BRINP2: variants seen among roughly 807,000 people sequenced by gnomAD.
The protein encoded by BRINP2 is BMP/retinoic acid-inducible neural-specific protein 2.
A neutral mutation model predicts 69.2 loss-of-function variants in BRINP2; 21 were observed. The ratio of observed to expected loss-of-function variants is 0.30; its 90% confidence interval spans 0.22 to 0.44. BRINP2 has a LOEUF of 0.44. Ranked by LOEUF, BRINP2 falls within the 20% of genes least tolerant of loss-of-function variation. The pLI is 1.00. For synonymous variants in BRINP2, 380 were observed against 394.1 expected, an observed-to-expected ratio of 0.96 and a Z score of 0.42; for missense variants, 877 against 986.0, an observed-to-expected ratio of 0.89 and a Z score of 1.48.
At chr1:177,252,233 T>TA (rs1362295460) in intron 2 of BRINP2, among the ~76,000 whole-genome samples, 1 of 152,166 alleles carries the variant, frequency 6.6e-6, no homozygotes, top group East Asian at 1.9e-4. Context: ...ATTATGAACT[T>TA]ACCTGCTTAG....
In BRINP2 at chr1:177,276,437, G is replaced by A; in HGVS notation, c.1012+3G>A. On this transcript the variant is annotated splice_donor_region_variant and intron_variant, in intron 6 of 7. Coordinates refer to ENST00000361539, the MANE Select transcript of BRINP2 (RefSeq NM_021165.4). ...CAACCGGCAGTTTGAAGAGTCAGGT[G>A]AGCAGCCAGAATTCCTCCCTGTCAA... 7 of 1,613,282 alleles carry A rather than the reference G, an allele frequency of 4.3e-6. No individual in the cohort carries two copies. The highest frequency in any genetic ancestry group is 5.9e-6 in the Non-Finnish European group (7 of 1,179,366).
chr1:177,256,174 T>A (rs193061942), intron 3 of BRINP2, 65 bp downstream of exon 3: 472 of 1,552,408 alleles, frequency 3.0e-4, no homozygotes, highest in Non-Finnish European at 3.8e-4. Flanking sequence ...TTAAGACTCG[T>A]GTAGCGTAGC....
intron 3 of BRINP2, chr1:177,256,331 G>C (rs994781861): frequency 2.0e-6 from 2 of 985,274 alleles, no homozygotes; most frequent in African/African-American, 3.5e-5. Flanking sequence ...TGGGTATGGC[G>C]GTTGGAGGTG....
At chr1:177,179,602 TTC>T (rs1055156959) in intron 1 of BRINP2, among the ~76,000 whole-genome samples, 1 of 152,088 alleles carries the variant, frequency 6.6e-6, no homozygotes, top group Non-Finnish European at 1.5e-5. Flanking sequence ...CACACACTCT[TTC>T]TCTCACACAC....
At chr1:177,245,674 T>C (rs1650355326) in intron 2 of BRINP2, among the ~76,000 whole-genome samples, 1 of 152,180 alleles carries the variant, frequency 6.6e-6, no homozygotes, top group South Asian at 2.1e-4. Context: ...AGTTTGTGCC[T>C]GGGAAGACAC....
At position 177,278,594 on chromosome 1, in the gene BRINP2, C is replaced by T. The variant is rs148920083; in HGVS notation, c.1044C>T (p.Pro348=). The T allele has an allele frequency of 1.4e-5, 22 of 1,613,964 alleles. No homozygotes were observed. In the African/African-American group the frequency reaches 1.5e-4, roughly 11 times the overall value. The change falls in exon 7 of 8, where the codon CCC becomes CCT. Residue 348 remains proline (P), a synonymous_variant. Coordinates refer to ENST00000361539, the MANE Select transcript of BRINP2 (RefSeq NM_021165.4). ...TCCAGGCCCTGCTGAAAAGGCTGCC[C>T]GATGACCGGTTCCTGAACTCCACAG... The part of the protein sequence containing the change: ...EEFQALLKRL[P]DDRFLNSTAI...
intron 3 of BRINP2, chr1:177,256,973 G>C (rs746090743): frequency 6.8e-6 from 10 of 1,466,232 alleles, no homozygotes; most frequent in Non-Finnish European, 9.1e-6. Flanking sequence ...TTGGAAGAGG[G>C]CCTTTCAGGC....
intron 1 of BRINP2, among the ~76,000 whole-genome samples, chr1:177,180,751 C>T (rs564065967): frequency 6.6e-6 from 1 of 152,220 alleles, no homozygotes; most frequent in South Asian, 2.1e-4. Context: ...TAAAAGTATT[C>T]AAAACACATT....
chr1:177,246,174 A>T (rs1571927751), intron 2 of BRINP2, among the ~76,000 whole-genome samples: 1 of 152,194 alleles, frequency 6.6e-6, no homozygotes, highest in East Asian at 1.9e-4. Context: ...CAACTCCTGG[A>T]CTGAAGCCTT....
In BRINP2 at chr1:177,250,108, G is replaced by A. The variant is rs112671490; in HGVS notation, c.270-5811G>A. On this transcript the variant is annotated intron_variant, in intron 2 of 7. Coordinates refer to ENST00000361539, the MANE Select transcript of BRINP2 (RefSeq NM_021165.4). ...TCATAATTTTTGAGACAGGGGTCTT[G>A]CTATGTTGCCTGGGCTGGACTCAAA... Among the ~76,000 whole-genome samples the A allele has an allele frequency of 8.3e-3, 1,262 of 152,012 alleles. 28 individuals are homozygous for A. Among genetic ancestry groups the A allele is most frequent in the African/African-American group, 0.029 (1,211 of 41,476 alleles).
At chr1:177,245,582 T>C (rs970881920) in intron 2 of BRINP2, among the ~76,000 whole-genome samples, 3 of 152,130 alleles carry the variant, frequency 2.0e-5, no homozygotes, top group Non-Finnish European at 4.4e-5. Context: ...GGGAGGCAGA[T>C]AGTGGTGAAC....
intron 6 of BRINP2, among the ~76,000 whole-genome samples, chr1:177,276,756 A>T (rs879333761): frequency 2.0e-5 from 3 of 152,244 alleles, no homozygotes; most frequent in Non-Finnish European, 4.4e-5. Flanking sequence ...ATGCTTGCAC[A>T]TAAGGTTCGC....
intron 1 of BRINP2, among the ~76,000 whole-genome samples, chr1:177,187,945 G>T (rs573510266): frequency 6.6e-6 from 1 of 152,094 alleles, no homozygotes; most frequent in Non-Finnish European, 1.5e-5. Context: ...CAGCACACCT[G>T]TTCTCTTGCT....
At chr1:177,212,850 A>G (rs1400811144) in intron 1 of BRINP2, among the ~76,000 whole-genome samples, 1 of 152,208 alleles carries the variant, frequency 6.6e-6, no homozygotes, top group Non-Finnish European at 1.5e-5. Flanking sequence ...AAGGAGCACT[A>G]ATTCCTTTTA....
rs144263989 is a variant in BRINP2 at position 177,266,604 on chromosome 1, C to T, written c.670-6884C>T. On this transcript the variant is annotated intron_variant, in intron 4 of 7. Transcript: ENST00000361539. ...GAAACCCGGTCTCTACTAAAAATAC[C>T]AAAAAATTAGCCGGGCGTGGTGGCG... 5.2e-3 allele frequency among the ~76,000 whole-genome samples: 787 copies of T among 150,174 alleles called. 4 individuals carry two copies. Among genetic ancestry groups the T allele is most frequent in the African/African-American group, 0.018 (744 of 40,826 alleles).
intron 1 of BRINP2, among the ~76,000 whole-genome samples, chr1:177,201,813 GT>G (rs1285094970): frequency 1.3e-5 from 2 of 152,142 alleles, no homozygotes; most frequent in Non-Finnish European, 2.9e-5. Context: ...GAATTCGGCT[GT>G]GAATCCATCT....
At position 177,171,733 on chromosome 1, in the gene BRINP2, G is replaced by A. The variant is rs1223938370; in HGVS notation, c.-77+1G>A. Reference sequence around the variant, plus strand: ...AGGAGGGCTCTTGCAAGGATTCAAGGTAACAGTGCAGGGTTTCGGTGATTT... The same window carrying A: ...AGGAGGGCTCTTGCAAGGATTCAAGATAACAGTGCAGGGTTTCGGTGATTT... On this transcript the variant is annotated splice_donor_variant, in intron 1 of 7. Transcript: ENST00000361539. LOFTEE classifies it low-confidence loss of function (5UTR_SPLICE). 6.6e-6 allele frequency: 1 copy of A among 152,332 alleles called. No homozygotes were observed. Among genetic ancestry groups the A allele is most frequent in the Non-Finnish European group, 1.5e-5 (1 of 68,150 alleles). 9.4% of individuals were successfully genotyped at this position (152,332 alleles called of 1,614,324 possible).
chr1:177,233,558 C>A (rs1433614721), intron 2 of BRINP2, among the ~76,000 whole-genome samples: 3 of 152,184 alleles, frequency 2.0e-5, no homozygotes, highest in Non-Finnish European at 1.5e-5. Flanking sequence ...GAGGGTCTAG[C>A]ATTCGACAGC....
chr1:177,265,808 A>C (rs1300171754), intron 4 of BRINP2, among the ~76,000 whole-genome samples: 2 of 152,104 alleles, frequency 1.3e-5, no homozygotes, highest in Non-Finnish European at 2.9e-5. Context: ...TCTATCTTGA[A>C]GTTTTCCATG....
Sources: allele counts gnomAD v4.1 joint callset (sites outside exome capture counted in the v4.1 genomes callset), GRCh38; gene constraint gnomAD v4.1.1; transcripts MANE v1.5; gene names NCBI Gene and HGNC (gene_info 2026-07-23, HGNC 2026-07-21).